Variants in SLC4A10 observed in about 807,000 individuals in gnomAD.
The protein encoded by SLC4A10 is sodium-driven chloride bicarbonate exchanger.
In SLC4A10, 42 loss-of-function variants were observed where a neutral mutation model predicts 137.7. The observed-to-expected ratio is 0.30, with a 90% CI of 0.24 to 0.39. SLC4A10 has a LOEUF of 0.39. SLC4A10 is among the 10% of genes least tolerant of loss of function. The pLI, the probability that SLC4A10 is intolerant of heterozygous loss-of-function variation, is 1.00. For missense variants in SLC4A10, 925 were observed against 1,355.0 expected (o/e 0.68, Z 4.98); for synonymous variants, 474 against 464.1 (o/e 1.02, Z -0.27).
rs751485004 is a variant in SLC4A10, at chr2:161,947,619, C to A, written c.2157C>A (p.His719Gln). ...EYVGRACGHDHPYVPDVLFWS... is the reference protein window; with the variant it reads ...EYVGRACGHDQPYVPDVLFWS... ...TTGGACGGGCCTGTGGCCATGATCA[C>A]CCATATGTTCCAGATGTTCTATTTT... Residue 719 changes from histidine (H) to glutamine (Q), a missense_variant, in exon 17 of 27, where the codon CAC becomes CAA. Transcript: ENST00000446997. 2 of 1,613,210 alleles carry A rather than the reference C, an allele frequency of 1.2e-6. No homozygotes were observed. Among genetic ancestry groups the A allele is most frequent in the Non-Finnish European group, 8.5e-7 (1 of 1,179,386 alleles).
At chr2:161,759,004 T>C (rs2049964671) in intron 1 of SLC4A10, among the ~76,000 whole-genome samples, 1 of 152,014 alleles carries the variant, frequency 6.6e-6, no homozygotes, top group South Asian at 2.1e-4. Context: ...AATTTGATTT[T>C]AAACTCATTT....
At chr2:161,718,200 C>G (rs1377100089) in intron 1 of SLC4A10, among the ~76,000 whole-genome samples, 1 of 151,938 alleles carries the variant, frequency 6.6e-6, no homozygotes, top group Non-Finnish European at 1.5e-5. Flanking sequence ...CTTTATTAGT[C>G]TAGCTAGTGG....
intron 1 of SLC4A10, among the ~76,000 whole-genome samples, chr2:161,639,018 T>C (rs2034891501): frequency 6.6e-6 from 1 of 151,828 alleles, no homozygotes; most frequent in Non-Finnish European, 1.5e-5. Flanking sequence ...AACAAAAAAT[T>C]GGAAAACCTA....
chr2:161,929,852 G>GA (rs765907423), intron 15 of SLC4A10, among the ~76,000 whole-genome samples: 27 of 150,096 alleles, frequency 1.8e-4, no homozygotes, highest in East Asian at 3.9e-4. Context: ...AATTTATACA[G>GA]AAAAAAAAAT....
intron 26 of SLC4A10, among the ~76,000 whole-genome samples, chr2:161,981,361 T>C (rs143404456): frequency 6.6e-6 from 1 of 152,310 alleles, no homozygotes; most frequent in African/African-American, 2.4e-5. Context: ...TTCATTGGAA[T>C]TGGGAATACC....
At chr2:161,863,660 A>G (rs1254935028) in intron 6 of SLC4A10, among the ~76,000 whole-genome samples, 7 of 152,198 alleles carry the variant, frequency 4.6e-5, no homozygotes, top group Non-Finnish European at 1.0e-4. Flanking sequence ...TACTATCTTC[A>G]TAAACCAACA....
intron 15 of SLC4A10, among the ~76,000 whole-genome samples, chr2:161,925,465 G>A (rs1269909385): frequency 6.6e-6 from 1 of 151,928 alleles, no homozygotes; most frequent in Non-Finnish European, 1.5e-5. Flanking sequence ...AGTCTTCCTA[G>A]CGGTCTATCA....
At chr2:161,762,154 GACTA>G (rs1382537357) in intron 1 of SLC4A10, among the ~76,000 whole-genome samples, 1 of 151,980 alleles carries the variant, frequency 6.6e-6, no homozygotes, top group Non-Finnish European at 1.5e-5. Context: ...TGATTTATTG[GACTA>G]ACTTAGAAGA....
intron 2 of SLC4A10, 48 bp downstream of exon 2, chr2:161,771,102 A>G (rs772969718): frequency 1.5e-6 from 2 of 1,305,176 alleles, no homozygotes; most frequent in Non-Finnish European, 1.1e-6. Context: ...TTCCAAAAGT[A>G]TTTCACAGAT....
intron 1 of SLC4A10, among the ~76,000 whole-genome samples, chr2:161,751,105 C>T (rs891051813): frequency 5.3e-5 from 8 of 151,702 alleles, no homozygotes; most frequent in Non-Finnish European, 1.2e-4. Flanking sequence ...TATACATGTC[C>T]TTGAATCTAA....
intron 15 of SLC4A10, among the ~76,000 whole-genome samples, chr2:161,915,556 T>G (rs1183486919): frequency 6.6e-6 from 1 of 152,174 alleles, no homozygotes; most frequent in Non-Finnish European, 1.5e-5. Flanking sequence ...CACTGCTGTC[T>G]GTGGATGGTG....
intron 15 of SLC4A10, among the ~76,000 whole-genome samples, chr2:161,909,566 T>G (rs1685328547): frequency 6.6e-6 from 1 of 152,220 alleles, no homozygotes; most frequent in Admixed American, 6.5e-5. Context: ...AAATGGGGTC[T>G]GACTAGATTT....
chr2:161,922,960 C>T (rs1020556802), intron 15 of SLC4A10, among the ~76,000 whole-genome samples: 1 of 152,090 alleles, frequency 6.6e-6, no homozygotes, highest in South Asian at 2.1e-4. Flanking sequence ...CAGGAAGGTA[C>T]TATTAATAAC....
chr2:161,889,704 C>A (rs191070688), intron 10 of SLC4A10, among the ~76,000 whole-genome samples: 68 of 152,132 alleles, frequency 4.5e-4, no homozygotes, highest in Admixed American at 4.0e-3. Context: ...TAGCATCTAT[C>A]TATTTTGTTC....
rs1442727059 is a variant in SLC4A10 at position 161,767,219 on chromosome 2, TATATATATATATACAC to T, written c.49-3740_49-3725del. Among the ~76,000 whole-genome samples, 83 of 101,672 alleles carry T rather than the reference TATATATATATATACAC, an allele frequency of 8.2e-4. 1 individual carries two copies. The highest frequency in any genetic ancestry group is 4.2e-3 in the African/African-American group (79 of 18,960). The allele number at this position is 101,672 out of a possible 152,430, so 66.7% of individuals were successfully genotyped here. ...GTGTGTGTGTATATATATATACACA[TATATATATATATACAC>T]ATATATATATATATATATATTCAGG... On this transcript the variant is annotated intron_variant, in intron 1 of 26. Coordinates refer to ENST00000446997, the MANE Select transcript of SLC4A10 (RefSeq NM_001178015.2).
chr2:161,720,105 C>G (rs570668185), intron 1 of SLC4A10, among the ~76,000 whole-genome samples: 2 of 152,206 alleles, frequency 1.3e-5, no homozygotes, highest in East Asian at 3.9e-4. Flanking sequence ...TTTCAACTTT[C>G]TACATATGGC....
chr2:161,962,176 A>C (rs1305055023), intron 21 of SLC4A10, among the ~76,000 whole-genome samples: 1 of 152,214 alleles, frequency 6.6e-6, no homozygotes, highest in Non-Finnish European at 1.5e-5. Flanking sequence ...TAAGAAACTT[A>C]TTATCTGGGC....
chr2:161,848,029 C>T (rs1043868928), intron 4 of SLC4A10, among the ~76,000 whole-genome samples: 5 of 152,098 alleles, frequency 3.3e-5, no homozygotes, highest in Non-Finnish European at 7.4e-5. Context: ...GCAACCTCAC[C>T]AGCTTCTGTT....
chr2:161,974,210 A>G (rs1348054297), intron 23 of SLC4A10, 39 bp from the exon 24 acceptor site: 2 of 1,510,608 alleles, frequency 1.3e-6, no homozygotes, highest in Non-Finnish European at 1.8e-6. Flanking sequence ...ATGGAGACTC[A>G]TCAGGTTCAC....
Sources: gnomAD v4.1 joint callset for allele counts (sites outside exome capture counted in the v4.1 genomes callset) on GRCh38, gnomAD v4.1.1 for gene constraint, MANE v1.5 for transcripts, NCBI Gene and HGNC (gene_info 2026-07-23, HGNC 2026-07-21) for gene names.